PDE4D: variants seen among roughly 807,000 people sequenced by gnomAD.
PDE4D encodes 3',5'-cyclic-AMP phosphodiesterase 4D.
Under a neutral mutation model 87.4 loss-of-function variants are expected in PDE4D, and 24 were observed. The observed-to-expected ratio is 0.27, with a 90% CI of 0.20 to 0.39. The LOEUF is 0.39. Among genes scored for constraint, PDE4D ranks in the 10% least tolerant of loss-of-function variants. The pLI is 1.00. For synonymous variants in PDE4D, 384 were observed against 383.2 expected, an observed-to-expected ratio of 1.00 and a Z score of -0.02; for missense variants, 714 against 1,041.0, an observed-to-expected ratio of 0.69 and a Z score of 4.32.
At chr5:59,124,771 C>A (rs937696840) in intron 5 of PDE4D, among the ~76,000 whole-genome samples, 1 of 152,076 alleles carries the variant, frequency 6.6e-6, no homozygotes, top group Non-Finnish European at 1.5e-5. Context: ...TTGACTATTT[C>A]CTAAATTTAT....
intron 2 of PDE4D, among the ~76,000 whole-genome samples, chr5:60,077,334 G>A (rs1414625994): frequency 6.6e-6 from 1 of 152,200 alleles, no homozygotes; most frequent in Non-Finnish European, 1.5e-5. Context: ...AAGCAATGTG[G>A]GGGTGGCCAT....
intron 1 of PDE4D, among the ~76,000 whole-genome samples, chr5:59,795,716 T>A (rs1297705499): frequency 6.6e-6 from 1 of 152,136 alleles, no homozygotes; most frequent in Non-Finnish European, 1.5e-5. Flanking sequence ...TGCACTACCC[T>A]GGTTCAGAGC....
chr5:59,027,204 G>A (rs1756400745), intron 6 of PDE4D, among the ~76,000 whole-genome samples: 1 of 152,196 alleles, frequency 6.6e-6, no homozygotes, highest in Non-Finnish European at 1.5e-5. Context: ...TTTGCCTCAT[G>A]ATTACACTGG....
chr5:59,919,993 T>C (rs900403399), intron 3 of PDE4D, among the ~76,000 whole-genome samples: 1 of 152,216 alleles, frequency 6.6e-6, no homozygotes, highest in East Asian at 1.9e-4. Flanking sequence ...ACAAAAGATA[T>C]AAGTATGAAA....
chr5:60,015,230 T>C (rs1765394079), intron 2 of PDE4D, among the ~76,000 whole-genome samples: 1 of 152,176 alleles, frequency 6.6e-6, no homozygotes, highest in African/African-American at 2.4e-5. Context: ...CCCAGCACTG[T>C]AATGTGATGA....
intron 1 of PDE4D, among the ~76,000 whole-genome samples, chr5:60,191,942 G>A (rs56726267): frequency 0.063 from 9,532 of 152,184 alleles, 390 homozygotes; most frequent in South Asian, 0.092. Flanking sequence ...AGAGGTTGCA[G>A]TGAGCTGAGA....
chr5:59,704,932 C>T (rs1753169572), intron 1 of PDE4D, among the ~76,000 whole-genome samples: 2 of 152,146 alleles, frequency 1.3e-5, no homozygotes, highest in South Asian at 4.1e-4. Flanking sequence ...TTCTCTAAAA[C>T]TCTGTAATAC....
intron 1 of PDE4D, among the ~76,000 whole-genome samples, chr5:59,837,881 A>G (rs1042405751): frequency 6.6e-6 from 1 of 152,046 alleles, no homozygotes; most frequent in Admixed American, 6.6e-5. Flanking sequence ...TCTATACATT[A>G]TCCACAGCTT....
At chr5:59,916,741 C>T (rs1393083) in intron 3 of PDE4D, among the ~76,000 whole-genome samples, 53,238 of 151,888 alleles carry the variant, frequency 0.35, 10,328 homozygotes, top group East Asian at 0.74. Context: ...TCACAGCATA[C>T]ATTGGGAATA....
intron 5 of PDE4D, 124 bp downstream of exon 5, chr5:59,180,471 A>G: frequency 1.3e-6 from 1 of 790,460 alleles, no homozygotes; most frequent in Non-Finnish European, 2.2e-6. Flanking sequence ...GATAATGTAG[A>G]GAAGAAAGAA....
At chr5:59,665,973 G>C (rs1746011587) in intron 1 of PDE4D, among the ~76,000 whole-genome samples, 1 of 152,038 alleles carries the variant, frequency 6.6e-6, no homozygotes, top group Admixed American at 6.6e-5. Flanking sequence ...TTTTTTGTTT[G>C]TTTTTGAGAC....
intron 5 of PDE4D, among the ~76,000 whole-genome samples, chr5:59,163,991 C>T (rs1023618798): frequency 2.0e-5 from 3 of 152,182 alleles, no homozygotes; most frequent in Non-Finnish European, 4.4e-5. Context: ...ACAAAATGAA[C>T]AGTACTTTAA....
At chr5:60,271,877 C>T (rs1156984726) in intron 1 of PDE4D, among the ~76,000 whole-genome samples, 1 of 152,130 alleles carries the variant, frequency 6.6e-6, no homozygotes, top group Non-Finnish European at 1.5e-5. Context: ...CACCTAGAGA[C>T]CATGATCTAT....
Position 58,975,293 on chromosome 5 carries a change from A to AAG in PDE4D, c.2014-215_2014-214dup, listed in dbSNP as rs1446158754. On this transcript the variant is annotated intron_variant, in intron 14 of 14. Coordinates refer to ENST00000340635, the MANE Select transcript of PDE4D (RefSeq NM_001104631.2). This position sits in a 1 kb window ranked among gnomAD's most constrained non-coding sequence, Gnocchi z 4.2. ...AATTAGCTTCTAGAACCTTTGGTTAAAGAGCATGTTCTATAGCATAAAAAA... is the reference window on the plus strand; with the variant it reads ...AATTAGCTTCTAGAACCTTTGGTTAAAGAGAGCATGTTCTATAGCATAAAAAA... Among the ~76,000 whole-genome samples, 3 of 148,004 alleles carry AAG rather than the reference A, an allele frequency of 2.0e-5. No homozygotes were observed. Among genetic ancestry groups the AAG allele is most frequent in the African/African-American group, 7.4e-5 (3 of 40,504 alleles).
chr5:59,319,113 T>C (rs578044949), intron 1 of PDE4D, among the ~76,000 whole-genome samples: 1 of 152,052 alleles, frequency 6.6e-6, no homozygotes, highest in African/African-American at 2.4e-5. Context: ...CTGTGTGCAG[T>C]ATCCTTAAAC....
intron 1 of PDE4D, among the ~76,000 whole-genome samples, chr5:59,784,937 A>G (rs1385858447): frequency 6.6e-6 from 1 of 152,160 alleles, no homozygotes; most frequent in Non-Finnish European, 1.5e-5. Context: ...CATGTCTGCC[A>G]CCATGTAAGA....
chr5:59,426,426 C>T (rs78691010), intron 1 of PDE4D, among the ~76,000 whole-genome samples: 5,392 of 152,150 alleles, frequency 0.035, 346 homozygotes, highest in African/African-American at 0.12. Context: ...GATCTTCGTA[C>T]CCTGCTTTTT....
chr5:59,046,417 AGAAT>A (rs1208846323), intron 5 of PDE4D, among the ~76,000 whole-genome samples: 1 of 140,464 alleles, frequency 7.1e-6, no homozygotes, highest in Non-Finnish European at 1.5e-5. Flanking sequence ...AGAGAGAGAG[AGAAT>A]GTGTGTGTGT....
chr5:60,181,401 CAGCCTATTT>C (rs149720432), intron 2 of PDE4D, among the ~76,000 whole-genome samples: 6,002 of 152,266 alleles, frequency 0.039, 393 homozygotes, highest in African/African-American at 0.14. Flanking sequence ...TCAAAACTGA[CAGCCTATTT>C]AGGTGGGCTT....
Sources: allele counts gnomAD v4.1 joint callset (sites outside exome capture counted in the v4.1 genomes callset), GRCh38; gene constraint gnomAD v4.1.1; non-coding constraint Gnocchi (gnomAD v3.1); transcripts MANE v1.5; gene names NCBI Gene and HGNC (gene_info 2026-07-23, HGNC 2026-07-21).